The following TSPAN9 variants were observed in gnomAD, a reference collection of about 807,000 sequenced individuals.
TSPAN9 encodes the protein tetraspanin-9.
In TSPAN9, 16 loss-of-function variants were observed where a neutral mutation model predicts 31.0. That is an observed-to-expected ratio of 0.52 (90% CI 0.35 to 0.78). The LOEUF is 0.78. Among genes scored for constraint, TSPAN9 ranks in the 30% least tolerant of loss-of-function variants. The pLI is 0.01. For synonymous variants in TSPAN9, 145 were observed against 121.6 expected, an observed-to-expected ratio of 1.19 and a Z score of -1.27; for missense variants, 272 against 312.5, an observed-to-expected ratio of 0.87 and a Z score of 0.98.
intron 3 of TSPAN9, among the ~76,000 whole-genome samples, chr12:3,211,414 T>C (rs1243029205): frequency 6.6e-6 from 1 of 152,168 alleles, no homozygotes; most frequent in African/African-American, 2.4e-5. Flanking sequence ...TCCTTTCCTC[T>C]TACGCTTTTT....
chr12:3,104,048 G>A (rs755620144), intron 2 of TSPAN9, among the ~76,000 whole-genome samples: 1 of 152,166 alleles, frequency 6.6e-6, no homozygotes. Flanking sequence ...AGACAGGGAG[G>A]GAGTGAACCT....
chr12:3,268,231 TGTTCCTGCAGCCTGCCCTCTGTGC>T, intron 3 of TSPAN9, among the ~76,000 whole-genome samples: 1 of 70,548 alleles, frequency 1.4e-5, no homozygotes, highest in Non-Finnish European at 3.1e-5. Flanking sequence ...GCCCTCTCTG[TGTTCCTGCAGCCTGCCCTCTGTGC>T]ATTCCTGCAG....
At chr12:3,175,402 T>C (rs544640841) in intron 2 of TSPAN9, among the ~76,000 whole-genome samples, 2 of 152,264 alleles carry the variant, frequency 1.3e-5, no homozygotes, top group Admixed American at 1.3e-4. Flanking sequence ...TGAGCTGCAG[T>C]GGCACGGGCT....
chr12:3,128,934 A>C (rs71458039), intron 2 of TSPAN9, among the ~76,000 whole-genome samples: 20,687 of 152,036 alleles, frequency 0.14, 1,726 homozygotes, highest in Middle Eastern at 0.22. Flanking sequence ...TTCTCCCCCT[A>C]CTTCCAGCCC....
intron 3 of TSPAN9, among the ~76,000 whole-genome samples, chr12:3,235,199 A>T (rs1565625877): frequency 1.6e-4 from 9 of 55,804 alleles, no homozygotes; most frequent in African/African-American, 6.7e-4. Context: ...AAAAAAAAAA[A>T]AAAAAAAAAA....
chr12:3,195,954 T>A (rs1345464083), intron 2 of TSPAN9, among the ~76,000 whole-genome samples: 3 of 152,200 alleles, frequency 2.0e-5, no homozygotes, highest in Non-Finnish European at 4.4e-5. Context: ...GCTCTGTGCA[T>A]CAGTCTGCTT....
chr12:3,118,262 T>TTTTTTTTTTTTTTTC lies in TSPAN9; in HGVS notation c.-18+34557_-18+34558insCTTTTTTTTTTTTTT, dbSNP rs2098323463. On this transcript the variant is annotated intron_variant, in intron 2 of 8. Transcript: ENST00000011898. ...CACCGCCCCTGCACCCGCCGTTTTT[T>TTTTTTTTTTTTTTTC]TTTTTTTTTTTTTTTTTTGAGATGG... Among the ~76,000 whole-genome samples, 4 of 85,434 alleles carry TTTTTTTTTTTTTTTC rather than the reference T, an allele frequency of 4.7e-5. 2 individuals are homozygous for TTTTTTTTTTTTTTTC. Among genetic ancestry groups the TTTTTTTTTTTTTTTC allele is most frequent in the Non-Finnish European group, 8.8e-5 (4 of 45,438 alleles). 56.0% of individuals were successfully genotyped at this position (85,434 alleles called of 152,430 possible).
At chr12:3,081,643 CACAA>C (rs1408827967) in intron 1 of TSPAN9, among the ~76,000 whole-genome samples, 2 of 151,966 alleles carry the variant, frequency 1.3e-5, no homozygotes, top group African/African-American at 2.4e-5. Context: ...TAGTGAACTC[CACAA>C]ACAGTGTATG....
intron 2 of TSPAN9, among the ~76,000 whole-genome samples, chr12:3,100,813 G>A (rs1215703181): frequency 6.6e-6 from 1 of 152,162 alleles, no homozygotes; most frequent in Non-Finnish European, 1.5e-5. Context: ...TCTCTAAGTT[G>A]GCTGTGTCTT....
At chr12:3,262,920 C>T (rs1232958940) in intron 3 of TSPAN9, among the ~76,000 whole-genome samples, 4 of 152,136 alleles carry the variant, frequency 2.6e-5, no homozygotes, top group South Asian at 2.1e-4. Flanking sequence ...CTGAGTAAGT[C>T]GCATCTCCGA....
chr12:3,122,867 C>T (rs73048180), intron 2 of TSPAN9, among the ~76,000 whole-genome samples: 56,463 of 152,130 alleles, frequency 0.37, 11,565 homozygotes, highest in Admixed American at 0.5. Context: ...CAGGTGACCC[C>T]GCCTCCTTGC....
At chr12:3,223,961 C>T (rs1565620943) in intron 3 of TSPAN9, among the ~76,000 whole-genome samples, 1 of 152,146 alleles carries the variant, frequency 6.6e-6, no homozygotes, top group Non-Finnish European at 1.5e-5. Context: ...TCCTGGGCAT[C>T]TGGACACGGG....
chr12:3,109,798 CAAAA>C (rs147799673), intron 2 of TSPAN9, among the ~76,000 whole-genome samples: 1 of 91,938 alleles, frequency 1.1e-5, no homozygotes, highest in Admixed American at 1.2e-4. Flanking sequence ...AACTCTGTCT[CAAAA>C]AAAAAAAAAA....
chr12:3,273,453 C>T (rs1383770817), intron 3 of TSPAN9, among the ~76,000 whole-genome samples: 2 of 152,166 alleles, frequency 1.3e-5, no homozygotes, highest in African/African-American at 4.8e-5. Context: ...CGGGTTGGTG[C>T]TAGCATTGCC....
In TSPAN9 at chr12:3,110,591, T is replaced by C. The variant is rs57894656; in HGVS notation, c.-18+26872T>C. 2.1e-4 allele frequency among the ~76,000 whole-genome samples: 32 copies of C among 152,294 alleles called. 1 individual carries two copies. The highest frequency in any genetic ancestry group is 7.5e-4 in the African/African-American group (31 of 41,554). ...AGGAACAAAAGTCCATTTCCTTATGTCTGTTTGTTGCAGGATCCTTTGTGC... is the reference window on the plus strand; with the variant it reads ...AGGAACAAAAGTCCATTTCCTTATGCCTGTTTGTTGCAGGATCCTTTGTGC... On this transcript the variant is annotated intron_variant, in intron 2 of 8. Coordinates refer to ENST00000011898, the MANE Select transcript of TSPAN9 (RefSeq NM_006675.5).
intron 2 of TSPAN9, among the ~76,000 whole-genome samples, chr12:3,146,609 G>A (rs1446088155): frequency 2.0e-5 from 3 of 152,124 alleles, no homozygotes; most frequent in African/African-American, 4.8e-5. Context: ...GCCTCTGTGC[G>A]CTCTGCTCTT....
At chr12:3,131,224 A>G (rs1473934965) in intron 2 of TSPAN9, among the ~76,000 whole-genome samples, 1 of 149,254 alleles carries the variant, frequency 6.7e-6, no homozygotes, top group East Asian at 2.0e-4. Context: ...CCGGCCTTCG[A>G]GGTTGGTGGT....
intron 2 of TSPAN9, among the ~76,000 whole-genome samples, chr12:3,104,908 G>A (rs1318267046): frequency 6.6e-6 from 1 of 152,212 alleles, no homozygotes; most frequent in African/African-American, 2.4e-5. Context: ...GGTCATTTAG[G>A]ACAACAGTGG....
intron 3 of TSPAN9, among the ~76,000 whole-genome samples, chr12:3,268,831 T>C (rs1465028574): frequency 9.3e-6 from 1 of 107,538 alleles, no homozygotes; most frequent in Non-Finnish European, 2.0e-5. Flanking sequence ...CCTCCGTGCA[T>C]TCCTGCAGCC....
Sources: gnomAD v4.1 joint callset for allele counts (sites outside exome capture counted in the v4.1 genomes callset) on GRCh38, gnomAD v4.1.1 for gene constraint, MANE v1.5 for transcripts, NCBI Gene and HGNC (gene_info 2026-07-23, HGNC 2026-07-21) for gene names.